Variants in TMEM272 observed in about 807,000 individuals in gnomAD.
TMEM272 encodes long intergenic non-protein coding RNA 282.
TMEM272 carries 8 observed loss-of-function variants against 3.7 expected under a neutral mutation model. The ratio of observed to expected loss-of-function variants is 2.17; its 90% confidence interval spans 1.27 to 3.91. The LOEUF (loss-of-function observed/expected upper bound fraction) is 3.91, where lower values mean the gene tolerates loss of function less well. TMEM272 is among the 30% of genes most tolerant of loss of function. TMEM272 has a pLI of 0.00. For synonymous variants in TMEM272, 63 were observed against 39.8 expected, an observed-to-expected ratio of 1.58 and a Z score of -2.20; for missense variants, 166 against 91.5, an observed-to-expected ratio of 1.81 and a Z score of -3.32.
chr13:51,885,776 T>A, the TMEM272 span, among the ~76,000 whole-genome samples: 6 of 152,182 alleles, frequency 3.9e-5, no homozygotes, highest in Non-Finnish European at 8.8e-5. Context: ...ATATAGACAG[T>A]CAGACTCTGG....
At chr13:51,878,712 CAGAG>C in the TMEM272 span, among the ~76,000 whole-genome samples, 5 of 152,066 alleles carry the variant, frequency 3.3e-5, no homozygotes, top group African/African-American at 1.2e-4. Context: ...AGGTAAGGGC[CAGAG>C]AGATTTTTCT....
the TMEM272 span, among the ~76,000 whole-genome samples, chr13:51,867,079 C>T: frequency 2.0e-5 from 3 of 152,044 alleles, no homozygotes; most frequent in African/African-American, 7.3e-5. Context: ...GAGTAAGAAA[C>T]GCCACGACAA....
the TMEM272 span, among the ~76,000 whole-genome samples, chr13:51,920,539 G>A: frequency 6.6e-6 from 1 of 152,148 alleles, no homozygotes; most frequent in Non-Finnish European, 1.5e-5. Context: ...GTGTCTTTGA[G>A]ATCTGGGCCT....
the TMEM272 span, among the ~76,000 whole-genome samples, chr13:51,883,238 T>C: frequency 6.6e-6 from 1 of 152,112 alleles, no homozygotes; most frequent in South Asian, 2.1e-4. Context: ...GCTTGGCAAA[T>C]GGGGGCACGT....
At chr13:51,849,306 A>T (rs1278696678), upstream of TMEM272, among the ~76,000 whole-genome samples, 2 of 152,240 alleles carry the variant, frequency 1.3e-5, no homozygotes, top group African/African-American at 4.8e-5. Context: ...AGTCATAGAC[A>T]TGGAAGTAGA....
chr13:51,889,206 T>C, the TMEM272 span, among the ~76,000 whole-genome samples: 1 of 152,248 alleles, frequency 6.6e-6, no homozygotes. Flanking sequence ...TAATAGATAT[T>C]GCCAAATTGC....
Position 51,814,436 on chromosome 13 carries a change from C to T in TMEM272, c.*2315G>A, listed in dbSNP as rs1955997772. On this transcript the variant is annotated 3_prime_UTR_variant, in exon 5 of 5. Transcript: ENST00000629372. ...TGCACATGAACATTTTCTTTAGGAT[C>T]TAACCTGTTTCCCCAGAAGGGGGTA... 6.6e-6 allele frequency: 1 copy of T among 152,222 alleles called. No individual in the cohort carries two copies. Among genetic ancestry groups the T allele is most frequent in the African/African-American group, 2.4e-5 (1 of 41,436 alleles). 9.4% of individuals were successfully genotyped at this position (152,222 alleles called of 1,614,324 possible). A position where few individuals can be genotyped will look rare whatever the true frequency, so the allele number is the denominator to read the frequency against.
At chr13:51,872,354 TAAG>T in the TMEM272 span, among the ~76,000 whole-genome samples, 2 of 151,902 alleles carry the variant, frequency 1.3e-5, no homozygotes, top group African/African-American at 4.8e-5. Context: ...AAGAACTCTC[TAAG>T]AAGATGAGCA....
chr13:51,883,091 G>A, the TMEM272 span, among the ~76,000 whole-genome samples: 1 of 152,250 alleles, frequency 6.6e-6, no homozygotes, highest in Non-Finnish European at 1.5e-5. Flanking sequence ...CAGCAACCGT[G>A]GAGCCCCAAG....
the TMEM272 span, among the ~76,000 whole-genome samples, chr13:51,860,779 T>C: frequency 2.3e-4 from 35 of 149,408 alleles, no homozygotes; most frequent in East Asian, 6.8e-3. Flanking sequence ...TGTATACATA[T>C]ACTTTTATAT....
intron 1 of TMEM272, among the ~76,000 whole-genome samples, chr13:51,843,365 T>C (rs1005508012): frequency 1.3e-5 from 2 of 152,226 alleles, no homozygotes; most frequent in Non-Finnish European, 2.9e-5. Context: ...TTCACTATTA[T>C]GGTGGGGACT....
At chr13:51,864,728 G>T in the TMEM272 span, among the ~76,000 whole-genome samples, 1 of 152,120 alleles carries the variant, frequency 6.6e-6, no homozygotes. Flanking sequence ...TGGAGCTGCG[G>T]GTCATCTGGT....
chr13:51,817,133 C>G lies in TMEM272; in HGVS notation c.202-20G>C, dbSNP rs1266546766. ...AGACACCTGGGGCGTGGTGGGGAGC[C>G]AGGGTGGCAAGGCAGAGCAGCAAAA... On this transcript the variant is annotated intron_variant, in intron 4 of 4. Coordinates refer to ENST00000629372, the MANE Select transcript of TMEM272 (RefSeq NM_001351003.2). 1 of 694,146 alleles carries G rather than the reference C, an allele frequency of 1.4e-6. No individual in the cohort carries two copies. Among genetic ancestry groups the G allele is most frequent in the Non-Finnish European group, 2.6e-6 (1 of 378,494 alleles). 43.0% of individuals were successfully genotyped at this position (694,146 alleles called of 1,614,324 possible). A position where few individuals can be genotyped will look rare whatever the true frequency, so the allele number is the denominator to read the frequency against.
At chr13:51,846,833 G>T (rs552875710), upstream of TMEM272, among the ~76,000 whole-genome samples, 1 of 152,256 alleles carries the variant, frequency 6.6e-6, no homozygotes, top group South Asian at 2.1e-4. Flanking sequence ...AAGTAAAAAA[G>T]TTACAGTAAG....
chr13:51,918,613 A>T, the TMEM272 span, among the ~76,000 whole-genome samples: 51 of 152,054 alleles, frequency 3.4e-4, 1 homozygote, highest in South Asian at 2.1e-4. Flanking sequence ...TGTAATTTTT[A>T]AAACTATTTT....
chr13:51,905,347 C>T, the TMEM272 span, among the ~76,000 whole-genome samples: 3 of 152,210 alleles, frequency 2.0e-5, no homozygotes, highest in African/African-American at 4.8e-5. Context: ...ACCTCGGACA[C>T]GGCAGGTCCC....
chr13:51,924,367 C>A, the TMEM272 span, among the ~76,000 whole-genome samples: 1 of 152,196 alleles, frequency 6.6e-6, no homozygotes, highest in East Asian at 1.9e-4. Flanking sequence ...CCAGCCTGGG[C>A]AACACAGCCA....
chr13:51,858,846 C>A, the TMEM272 span, among the ~76,000 whole-genome samples: 1 of 152,258 alleles, frequency 6.6e-6, no homozygotes, highest in East Asian at 1.9e-4. Flanking sequence ...AAGCTCCTTC[C>A]CCCCTGCAAA....
At chr13:51,917,510 T>A in the TMEM272 span, among the ~76,000 whole-genome samples, 2 of 152,110 alleles carry the variant, frequency 1.3e-5, no homozygotes, top group Non-Finnish European at 1.5e-5. Context: ...CAGGTACCCT[T>A]ACACACCTGA....
Sources: gnomAD v4.1 joint callset for allele counts (sites outside exome capture counted in the v4.1 genomes callset) on GRCh38, gnomAD v4.1.1 for gene constraint, MANE v1.5 for transcripts, NCBI Gene and HGNC (gene_info 2026-07-23, HGNC 2026-07-21) for gene names.